Variants in JAKMIP3 observed in about 807,000 individuals in gnomAD.
JAKMIP3 encodes janus kinase and microtubule-interacting protein 3.
Under a neutral mutation model 118.5 loss-of-function variants are expected in JAKMIP3, and 58 were observed. That is an observed-to-expected ratio of 0.49 (90% CI 0.40 to 0.61). The LOEUF (loss-of-function observed/expected upper bound fraction) is 0.61, where lower values mean the gene tolerates loss of function less well. JAKMIP3 is among the 20% of genes least tolerant of loss of function. The probability of loss-of-function intolerance (pLI) is 0.00; values close to 1 mark genes in which losing one functional copy is unlikely to be tolerated. For synonymous variants in JAKMIP3, 486 were observed against 451.2 expected, an observed-to-expected ratio of 1.08 and a Z score of -0.98; for missense variants, 950 against 1,109.0, an observed-to-expected ratio of 0.86 and a Z score of 2.04.
intron 1 of JAKMIP3, among the ~76,000 whole-genome samples, chr10:132,093,645 C>T (rs1309651188): frequency 6.6e-6 from 1 of 152,208 alleles, no homozygotes; most frequent in Non-Finnish European, 1.5e-5. Context: ...TCACCGCTTC[C>T]CTTGGCTAGG....
At chr10:132,051,652 G>A (rs1451338466) in intron 1 of JAKMIP3, among the ~76,000 whole-genome samples, 2 of 151,734 alleles carry the variant, frequency 1.3e-5, no homozygotes, top group Non-Finnish European at 2.9e-5. Context: ...TCAGGCTGGA[G>A]TGCAATGGCA....
At position 132,085,505 on chromosome 10, in the gene JAKMIP3, T is replaced by C. The variant is rs57875911; in HGVS notation, c.-137-19167T>C. 5.7e-3 allele frequency among the ~76,000 whole-genome samples: 840 copies of C among 147,688 alleles called. 9 individuals carry two copies. The highest frequency in any genetic ancestry group is 0.02 in the African/African-American group (804 of 40,634). The stretch of plus-strand genomic sequence containing the variant: ...AATGGTCTATCAATTTTCTCTCTCT[T>C]TTTTTTTTTTTGTGAGAGGAAGTCT... On this transcript the variant is annotated intron_variant, in intron 1 of 23. Transcript: ENST00000684848.
intron 9 of JAKMIP3, among the ~76,000 whole-genome samples, chr10:132,139,250 A>C (rs3077804): frequency 1.4e-5 from 1 of 72,560 alleles, no homozygotes; most frequent in East Asian, 2.9e-4. Context: ...CTGTGTGTGT[A>C]TGTGTGTGTG....
At chr10:132,125,445 G>A (rs1009679719) in intron 3 of JAKMIP3, among the ~76,000 whole-genome samples, 4 of 152,252 alleles carry the variant, frequency 2.6e-5, no homozygotes, top group Non-Finnish European at 4.4e-5. Context: ...GCCTTGCGGC[G>A]TTAGTACCAC....
At chr10:132,130,156 C>T (rs920964486) in intron 3 of JAKMIP3, among the ~76,000 whole-genome samples, 3 of 152,150 alleles carry the variant, frequency 2.0e-5, no homozygotes, top group African/African-American at 7.2e-5. Context: ...GCTTGGCGGC[C>T]TCTTCTAGCA....
At position 132,182,259 on chromosome 10, in the gene JAKMIP3, T is replaced by G. The variant is rs533734431; in HGVS notation, c.*1104-98T>G. ...GACCATCCTGTGCAGAGCCAGTGCC[T>G]GGTCAAGGCCCCAACTGCCTTGAGT... On this transcript the variant is annotated intron_variant, in intron 23 of 23. Transcript: ENST00000684848. 2.6e-5 allele frequency: 4 copies of G among 152,442 alleles called. No homozygotes were observed. In the East Asian group the frequency reaches 5.8e-4, roughly 22 times the overall value. The allele number at this position is 152,442 out of a possible 1,614,324, so 9.4% of individuals were successfully genotyped here.
chr10:132,063,684 G>A (rs984996661), upstream of JAKMIP3, among the ~76,000 whole-genome samples: 7 of 152,202 alleles, frequency 4.6e-5, no homozygotes, highest in African/African-American at 7.2e-5. Context: ...CAAGGGGCAC[G>A]TTTACTGCAG....
chr10:132,100,728 C>T (rs1271198033), intron 1 of JAKMIP3, among the ~76,000 whole-genome samples: 1 of 152,164 alleles, frequency 6.6e-6, no homozygotes, highest in Non-Finnish European at 1.5e-5. Context: ...CTCCCAGCCG[C>T]CCCAACATCA....
In JAKMIP3 at chr10:132,180,600, T is replaced by TGC. The variant is rs1296103079; in HGVS notation, c.*1104-1753_*1104-1752dup. ...GTGTGCGTGCGCGTGTGTGTGTGCG[T>TGC]GCGCGTGTGTGTGTGCGTGTGTGTG... On this transcript the variant is annotated intron_variant, in intron 23 of 23. Coordinates refer to ENST00000684848, the MANE Select transcript of JAKMIP3 (RefSeq NM_001323087.2). Among the ~76,000 whole-genome samples, 6 of 39,100 alleles carry TGC rather than the reference T, an allele frequency of 1.5e-4. 1 individual carries two copies. The highest frequency in any genetic ancestry group is 1.8e-3 in the East Asian group (1 of 568). The allele number at this position is 39,100 out of a possible 152,430, so 25.7% of individuals were successfully genotyped here. A position where few individuals can be genotyped will look rare whatever the true frequency, so the allele number is the denominator to read the frequency against.
At chr10:132,124,410 T>C (rs1437000640) in intron 3 of JAKMIP3, among the ~76,000 whole-genome samples, 4 of 150,142 alleles carry the variant, frequency 2.7e-5, no homozygotes, top group Non-Finnish European at 4.5e-5. Flanking sequence ...CACACATCCA[T>C]TGCCATGCAG....
chr10:132,107,160 G>T (rs1377927768), intron 2 of JAKMIP3, among the ~76,000 whole-genome samples: 1 of 151,840 alleles, frequency 6.6e-6, no homozygotes, highest in East Asian at 1.9e-4. Flanking sequence ...CTCCCAACAT[G>T]CTGGGATTAC....
At chr10:132,162,853 G>A (rs116604085) in intron 19 of JAKMIP3, among the ~76,000 whole-genome samples, 2,074 of 152,242 alleles carry the variant, frequency 0.014, 45 homozygotes, top group African/African-American at 0.048. Flanking sequence ...GGGAGGCAGC[G>A]TGTGACCCCA....
chr10:132,077,435 C>T (rs915279407), intron 1 of JAKMIP3, among the ~76,000 whole-genome samples: 3 of 152,178 alleles, frequency 2.0e-5, no homozygotes, highest in Non-Finnish European at 2.9e-5. Flanking sequence ...ACAGGGGGCC[C>T]GAAGAGTCCT....
chr10:132,120,581 G>A (rs2048380722), intron 3 of JAKMIP3, among the ~76,000 whole-genome samples: 1 of 152,234 alleles, frequency 6.6e-6, no homozygotes, highest in Admixed American at 6.5e-5. Context: ...GGGAGTACTT[G>A]GCTCCATGCC....
chr10:132,140,127 G>A (rs80121544), intron 9 of JAKMIP3, among the ~76,000 whole-genome samples: 1,803 of 152,328 alleles, frequency 0.012, 65 homozygotes, highest in Admixed American at 0.041. Context: ...GGCACCCATC[G>A]TCGGTTCTGT....
At chr10:132,068,953 C>G (rs2039381219) in intron 1 of JAKMIP3, among the ~76,000 whole-genome samples, 1 of 152,158 alleles carries the variant, frequency 6.6e-6, no homozygotes, top group Admixed American at 6.5e-5. Context: ...CTCCGGCCAG[C>G]TCAGGATGAA....
chr10:132,173,288 G>A (rs1004221491), intron 23 of JAKMIP3, among the ~76,000 whole-genome samples: 5 of 139,226 alleles, frequency 3.6e-5, no homozygotes, highest in Admixed American at 7.6e-5. Flanking sequence ...TCCAATTCCA[G>A]GCCAATGGTG....
chr10:132,142,828 G>T (rs2053810336), intron 11 of JAKMIP3, among the ~76,000 whole-genome samples: 1 of 152,192 alleles, frequency 6.6e-6, no homozygotes, highest in Admixed American at 6.5e-5. Context: ...GGGGTGTGGG[G>T]TTCCCGTTGG....
chr10:132,045,255 G>C (rs569314606), intron 1 of JAKMIP3, among the ~76,000 whole-genome samples: 1 of 152,252 alleles, frequency 6.6e-6, no homozygotes, highest in East Asian at 1.9e-4. Flanking sequence ...CTGGGTCTGC[G>C]TTTCCCCGGT....
Sources: gnomAD v4.1 joint callset for allele counts (sites outside exome capture counted in the v4.1 genomes callset) on GRCh38, gnomAD v4.1.1 for gene constraint, MANE v1.5 for transcripts, NCBI Gene and HGNC (gene_info 2026-07-23, HGNC 2026-07-21) for gene names.